Variants in TRAM2 observed in about 807,000 individuals in gnomAD.
TRAM2 encodes translocation associated membrane protein 2, also known as translocating chain-associated membrane protein 2.
In TRAM2, 12 loss-of-function variants were observed where a neutral mutation model predicts 51.0. The observed-to-expected ratio is 0.24, with a 90% CI of 0.15 to 0.38. The LOEUF (loss-of-function observed/expected upper bound fraction) is 0.38, where lower values mean the gene tolerates loss of function less well. TRAM2 is among the 10% of genes least tolerant of loss of function. The pLI is 1.00. For missense variants in TRAM2, 361 were observed against 462.0 expected, an observed-to-expected ratio of 0.78 and a Z score of 2.00; for synonymous variants, 175 against 179.4, an observed-to-expected ratio of 0.98 and a Z score of 0.20.
chr6:52,499,279 T>C lies in TRAM2; in HGVS notation c.*3918A>G, dbSNP rs1488249511. 2.0e-5 allele frequency: 3 copies of C among 152,166 alleles called. No individual in the cohort carries two copies. The highest frequency in any genetic ancestry group is 3.9e-4 in the East Asian group (2 of 5,184). The allele number at this position is 152,166 out of a possible 1,614,324, so 9.4% of individuals were successfully genotyped here. A position where few individuals can be genotyped will look rare whatever the true frequency, so the allele number is the denominator to read the frequency against. ...AGAGTGAGGGAGGAAGAGCACTCCA[T>C]TGTCTTGACTCAAAAGCTTTCAGCA... On this transcript the variant is annotated 3_prime_UTR_variant, in exon 11 of 11. Transcript: ENST00000182527.
intron 1 of TRAM2, among the ~76,000 whole-genome samples, chr6:52,568,640 T>G (rs988268204): frequency 6.6e-6 from 1 of 152,214 alleles, no homozygotes; most frequent in Admixed American, 6.5e-5. Context: ...TAAATAATTA[T>G]GTAAATTCTG....
chr6:52,565,797 T>C (rs887812682), intron 1 of TRAM2, among the ~76,000 whole-genome samples: 1 of 152,228 alleles, frequency 6.6e-6, no homozygotes, highest in African/African-American at 2.4e-5. Flanking sequence ...AAATGTTACA[T>C]ACAGGCTGTG....
At chr6:52,574,801 A>C (rs1350470271) in intron 1 of TRAM2, among the ~76,000 whole-genome samples, 1 of 152,188 alleles carries the variant, frequency 6.6e-6, no homozygotes, top group African/African-American at 2.4e-5. Context: ...CTAGAGACCC[A>C]GGGAAGGAGG....
chr6:52,526,152 G>GACAC (rs775593303), intron 2 of TRAM2, among the ~76,000 whole-genome samples: 847 of 28,738 alleles, frequency 0.029, 6 homozygotes, highest in Non-Finnish European at 0.044. Context: ...CACACAGACA[G>GACAC]ACACACACAC....
At position 52,563,186 on chromosome 6, in the gene TRAM2, G is replaced by C. The variant is rs1163641967; in HGVS notation, c.120+13610C>G. Among the ~76,000 whole-genome samples, 9 of 152,128 alleles carry C rather than the reference G, an allele frequency of 5.9e-5. No homozygotes were observed. In the South Asian group the frequency reaches 1.9e-3, roughly 31 times the overall value. On this transcript the variant is annotated intron_variant, in intron 1 of 10. Transcript: ENST00000182527. Reference sequence around the variant, plus strand: ...ATGAATTAAGGTGACCCTGCACAATGGAAGACTGTGCAACCTTCCATATAA... The same window carrying C: ...ATGAATTAAGGTGACCCTGCACAATCGAAGACTGTGCAACCTTCCATATAA...
At chr6:52,567,994 C>T (rs1045481116) in intron 1 of TRAM2, among the ~76,000 whole-genome samples, 2 of 152,242 alleles carry the variant, frequency 1.3e-5, no homozygotes, top group African/African-American at 4.8e-5. Context: ...GTTTTATACA[C>T]ATTTTCCAGT....
chr6:52,518,664 G>A (rs1326083234), intron 2 of TRAM2, among the ~76,000 whole-genome samples: 1 of 152,094 alleles, frequency 6.6e-6, no homozygotes, highest in African/African-American at 2.4e-5. Context: ...GAAGGGCTGG[G>A]ATCCAGGATG....
intron 4 of TRAM2, among the ~76,000 whole-genome samples, chr6:52,512,662 C>A (rs928731544): frequency 2.0e-5 from 3 of 152,206 alleles, no homozygotes; most frequent in African/African-American, 7.2e-5. Context: ...TACAAATCCA[C>A]CCATGAGCTA....
At chr6:52,576,004 C>T (rs771475129) in intron 1 of TRAM2, among the ~76,000 whole-genome samples, 1 of 152,206 alleles carries the variant, frequency 6.6e-6, no homozygotes, top group Non-Finnish European at 1.5e-5. Flanking sequence ...GACACCAGGA[C>T]ATTGCTGTTG....
At chr6:52,573,007 C>G (rs553448273) in intron 1 of TRAM2, among the ~76,000 whole-genome samples, 2 of 152,242 alleles carry the variant, frequency 1.3e-5, no homozygotes, top group South Asian at 4.2e-4. Flanking sequence ...AAAAAGAAAC[C>G]AAACCTACAA....
At chr6:52,541,052 A>G (rs1341454392) in intron 1 of TRAM2, among the ~76,000 whole-genome samples, 1 of 152,218 alleles carries the variant, frequency 6.6e-6, no homozygotes, top group Non-Finnish European at 1.5e-5. Context: ...GCCATGCTGT[A>G]TTAGGGGCAC....
rs545827695 is a variant in TRAM2, at chr6:52,524,779, G to A, written c.185-8042C>T. ...ATTTTTTTTTTCTTCCATAGGGAGC[G>A]AGAATGGGCATGAAAAGACCTGGAG... On this transcript the variant is annotated intron_variant, in intron 2 of 10. Coordinates refer to ENST00000182527, the MANE Select transcript of TRAM2 (RefSeq NM_012288.4). The A allele has an allele frequency of 5.9e-5, 9 of 151,880 alleles. No homozygotes were observed. In the South Asian group the frequency reaches 1.2e-3, roughly 21 times the overall value. The allele number at this position is 151,880 out of a possible 1,614,324, so 9.4% of individuals were successfully genotyped here. A position where few individuals can be genotyped will look rare whatever the true frequency, so the allele number is the denominator to read the frequency against.
At chr6:52,548,026 T>C (rs1410345243) in intron 1 of TRAM2, among the ~76,000 whole-genome samples, 1 of 152,268 alleles carries the variant, frequency 6.6e-6, no homozygotes, top group East Asian at 1.9e-4. Context: ...TGCACAAAGC[T>C]GGCTGGTAAG....
rs1412916313 is a variant in TRAM2, at chr6:52,558,172, C to G, written c.120+18624G>C. Among the ~76,000 whole-genome samples, 3 of 152,116 alleles carry G rather than the reference C, an allele frequency of 2.0e-5. No homozygotes were observed. The East Asian group carries it at 5.8e-4, about 29-fold the overall frequency. ...AAGCAAAACCTGCAGACTTGGCCTC[C>G]CCGGGGTTCTGGGGAGCAGAGAAAT... On this transcript the variant is annotated intron_variant, in intron 1 of 10. Transcript: ENST00000182527.
chr6:52,510,417 G>A (rs1221004441), intron 4 of TRAM2, among the ~76,000 whole-genome samples: 3 of 152,188 alleles, frequency 2.0e-5, no homozygotes, highest in Non-Finnish European at 2.9e-5. Flanking sequence ...AAAGGGAGAG[G>A]GAGGCTAAAA....
intron 1 of TRAM2, among the ~76,000 whole-genome samples, chr6:52,557,528 G>A (rs1269246559): frequency 7.9e-5 from 12 of 152,162 alleles, no homozygotes; most frequent in Admixed American, 7.9e-4. Context: ...AAGTACAGGA[G>A]TCGGTAAAGA....
chr6:52,504,710 A>G lies in TRAM2; in HGVS notation c.920T>C (p.Met307Thr). ...CAGCTGGGAGTGGATGAAGCGCCAC[A>G]TGAGCCAGGCCTGGGCGGCACACAC... is the stretch of plus-strand genomic sequence containing the variant. ...LLVCAAQAWL[M>T]WRFIHSQLRH... Residue 307 changes from methionine to threonine, a missense_variant, in exon 10 of 11, where the codon ATG (methionine) becomes ACG (threonine). Transcript: ENST00000182527. 1.2e-6 allele frequency: 2 copies of G among 1,611,960 alleles called. No homozygotes were observed. Among genetic ancestry groups the G allele is most frequent in the Non-Finnish European group, 1.7e-6 (2 of 1,179,454 alleles).
At chr6:52,529,453 G>A (rs1444305647) in intron 2 of TRAM2, 1 of 152,040 alleles carries the variant, frequency 6.6e-6, no homozygotes, top group Admixed American at 6.6e-5. Flanking sequence ...CGGGCTTTAC[G>A]GGGCACAGGA....
At chr6:52,536,169 T>C (rs996026614) in intron 1 of TRAM2, among the ~76,000 whole-genome samples, 1 of 152,196 alleles carries the variant, frequency 6.6e-6, no homozygotes, top group African/African-American at 2.4e-5. Context: ...ATTTATCAGT[T>C]TAGTTCTGTG....
Sources: gnomAD v4.1 joint callset for allele counts (sites outside exome capture counted in the v4.1 genomes callset) on GRCh38, gnomAD v4.1.1 for gene constraint, MANE v1.5 for transcripts, NCBI Gene and HGNC (gene_info 2026-07-23, HGNC 2026-07-21) for gene names.